Variants in ITGB3BP observed in about 807,000 individuals in gnomAD.
ITGB3BP encodes integrin subunit beta 3 binding protein, also known as centromere protein R.
ITGB3BP carries 27 observed loss-of-function variants against 29.1 expected under a neutral mutation model. That is an observed-to-expected ratio of 0.93 (90% confidence interval 0.68 to 1.28). The LOEUF is 1.28. ITGB3BP is among the 50% of genes most tolerant of loss of function. The probability of loss-of-function intolerance (pLI) is 0.00; values close to 1 mark genes in which losing one functional copy is unlikely to be tolerated. For missense variants in ITGB3BP, 192 were observed against 200.2 expected, an observed-to-expected ratio of 0.96 and a Z score of 0.25; for synonymous variants, 61 against 61.4, an observed-to-expected ratio of 0.99 and a Z score of 0.03.
At chr1:63,473,173 T>G (rs1645241157) in intron 4 of ITGB3BP, among the ~76,000 whole-genome samples, 1 of 151,216 alleles carries the variant, frequency 6.6e-6, no homozygotes, top group South Asian at 2.1e-4. Flanking sequence ...CGCAACCCTG[T>G]CTGGGAGGTG....
At chr1:63,462,096 C>T (rs1399700348) in intron 4 of ITGB3BP, among the ~76,000 whole-genome samples, 2 of 152,214 alleles carry the variant, frequency 1.3e-5, no homozygotes, top group Admixed American at 6.5e-5. Context: ...AATATTAAAT[C>T]TTCTTGCCCA....
chr1:63,525,935 A>G (rs1646581736), upstream of ITGB3BP, among the ~76,000 whole-genome samples: 1 of 152,226 alleles, frequency 6.6e-6, no homozygotes, highest in South Asian at 2.1e-4. Context: ...TCTAGGAACT[A>G]CAAAATAAAA....
At chr1:63,516,149 A>G (rs1646315186) in intron 1 of ITGB3BP, among the ~76,000 whole-genome samples, 1 of 151,486 alleles carries the variant, frequency 6.6e-6, no homozygotes. Context: ...TAGGCCAGGC[A>G]TGGTGGCTCA....
intron 1 of ITGB3BP, among the ~76,000 whole-genome samples, chr1:63,512,046 A>G (rs7414701): frequency 0.95 from 144,572 of 151,950 alleles, 69,188 homozygotes; most frequent in East Asian, 1. Context: ...CTCTGTGGGT[A>G]ACTTCTAACT....
intron 1 of ITGB3BP, among the ~76,000 whole-genome samples, chr1:63,520,886 G>A (rs774524247): frequency 1.1e-4 from 16 of 152,012 alleles, no homozygotes; most frequent in Non-Finnish European, 8.8e-5. Context: ...ATTTTTGCGT[G>A]TTCTTAAGTT....
chr1:63,473,879 G>T (rs1364801095), intron 4 of ITGB3BP, among the ~76,000 whole-genome samples: 2 of 37,032 alleles, frequency 5.4e-5, no homozygotes, highest in African/African-American at 2.2e-4. Flanking sequence ...TGGGAAGTGA[G>T]GACCCCTCTG....
chr1:63,522,434 C>T (rs370979901), intron 1 of ITGB3BP, among the ~76,000 whole-genome samples: 3 of 152,230 alleles, frequency 2.0e-5, no homozygotes, highest in African/African-American at 2.4e-5. Flanking sequence ...TGATATCCAC[C>T]CCACTCCCCC....
intron 2 of ITGB3BP, among the ~76,000 whole-genome samples, chr1:63,496,327 A>G (rs1368887127): frequency 1.3e-5 from 2 of 152,028 alleles, no homozygotes; most frequent in African/African-American, 4.8e-5. Context: ...TCCTGAGCTC[A>G]AGCAATCTGC....
upstream of ITGB3BP, among the ~76,000 whole-genome samples, chr1:63,528,164 G>T (rs1303792927): frequency 6.6e-6 from 1 of 152,036 alleles, no homozygotes; most frequent in African/African-American, 2.4e-5. Flanking sequence ...CCCAAATTTG[G>T]AAGCAACGTA....
At chr1:63,445,372 C>T (rs758392209) in intron 8 of ITGB3BP, among the ~76,000 whole-genome samples, 1 of 135,930 alleles carries the variant, frequency 7.4e-6, no homozygotes, top group Admixed American at 7.0e-5. Flanking sequence ...AGAATATAAG[C>T]TATTGTTACT....
In ITGB3BP at chr1:63,446,857, C is replaced by T. The variant is rs769749558; in HGVS notation, c.485-1G>A. 2 of 1,605,094 alleles carry T rather than the reference C, an allele frequency of 1.2e-6. No individual in the cohort carries two copies. Among genetic ancestry groups the T allele is most frequent in the Non-Finnish European group, 1.7e-6 (2 of 1,173,710 alleles). On this transcript the variant is annotated splice_acceptor_variant, in intron 7 of 8. Transcript: ENST00000271002. LOFTEE classifies it high-confidence loss of function. ...TCATAGCTGTCAAGATGACGTGATGCTATATGAAAGAAGAAAGGTTTTTTT... is the reference window on the plus strand; with the variant it reads ...TCATAGCTGTCAAGATGACGTGATGTTATATGAAAGAAGAAAGGTTTTTTT...
At chr1:63,492,887 T>C (rs1388836214) in intron 2 of ITGB3BP, among the ~76,000 whole-genome samples, 2 of 151,694 alleles carry the variant, frequency 1.3e-5, no homozygotes, top group African/African-American at 4.8e-5. Context: ...GGTGGGAGGA[T>C]TGCTTGAGCT....
chr1:63,472,737 G>C (rs542549639), intron 4 of ITGB3BP, among the ~76,000 whole-genome samples: 1 of 150,376 alleles, frequency 6.6e-6, no homozygotes, highest in Admixed American at 6.6e-5. Flanking sequence ...TCGGCCTCCC[G>C]AGGCGCCGGG....
intron 7 of ITGB3BP, chr1:63,452,203 T>C (rs546003009): frequency 1.3e-5 from 2 of 152,140 alleles, no homozygotes; most frequent in African/African-American, 4.8e-5. Context: ...ATTAAAAAAA[T>C]TTTTCTTTAT....
chr1:63,523,166 A>T lies in ITGB3BP; in HGVS notation c.-33T>A, dbSNP rs375701856. On this transcript the variant is annotated 5_prime_UTR_variant, in exon 1 of 9. An upstream open reading frame in the 5' UTR gains an earlier in-frame stop. Coordinates refer to ENST00000271002, the MANE Select transcript of ITGB3BP (RefSeq NM_014288.5). ...TTCGGGAAAGCACCACTGCCGCTGAATAAAACGAACCCAGCAACTTCCGAA... is the reference window on the plus strand; with the variant it reads ...TTCGGGAAAGCACCACTGCCGCTGATTAAAACGAACCCAGCAACTTCCGAA... The T allele has an allele frequency of 5.6e-6, 9 of 1,613,750 alleles. No individual in the cohort carries two copies. The highest frequency in any genetic ancestry group is 7.6e-6 in the Non-Finnish European group (9 of 1,179,998).
At chr1:63,460,575 T>C (rs2100532964) in intron 4 of ITGB3BP, among the ~76,000 whole-genome samples, 1 of 152,344 alleles carries the variant, frequency 6.6e-6, no homozygotes, top group East Asian at 1.9e-4. Flanking sequence ...TTCCTGTCTT[T>C]TGGTTATTGT....
At chr1:63,526,984 C>T (rs932819955), upstream of ITGB3BP, among the ~76,000 whole-genome samples, 2 of 152,188 alleles carry the variant, frequency 1.3e-5, no homozygotes, top group African/African-American at 4.8e-5. Flanking sequence ...AGGCTGGTCT[C>T]GAGCTCCTGA....
At chr1:63,452,618 CT>C (rs1557609010) in intron 7 of ITGB3BP, among the ~76,000 whole-genome samples, 15 of 126,912 alleles carry the variant, frequency 1.2e-4, no homozygotes, top group Non-Finnish European at 1.6e-4. Context: ...TTTCTTTTTT[CT>C]TTTTCTTTTC....
intron 2 of ITGB3BP, among the ~76,000 whole-genome samples, chr1:63,503,770 ATCGTT>A (rs1233058803): frequency 6.6e-6 from 1 of 152,128 alleles, no homozygotes; most frequent in African/African-American, 2.4e-5. Context: ...TAAATAGGGA[ATCGTT>A]TCCCCATTTC....
Sources: allele counts gnomAD v4.1 joint callset (sites outside exome capture counted in the v4.1 genomes callset), GRCh38; gene constraint gnomAD v4.1.1; transcripts MANE v1.5; gene names NCBI Gene and HGNC (gene_info 2026-07-23, HGNC 2026-07-21).